Variants in EGFL6 observed in about 807,000 individuals in gnomAD.
The protein encoded by EGFL6 is epidermal growth factor-like protein 6.
A neutral mutation model predicts 43.1 loss-of-function variants in EGFL6; 42 were observed. The ratio of observed to expected loss-of-function variants is 0.98; its 90% CI spans 0.76 to 1.26. EGFL6 has a LOEUF of 1.26. Ranked by LOEUF, EGFL6 falls within the 50% of genes most tolerant of loss-of-function variation. The pLI is 0.00. For synonymous variants in EGFL6, 164 were observed against 163.2 expected, an observed-to-expected ratio of 1.01 and a Z score of -0.04; for missense variants, 429 against 427.8, an observed-to-expected ratio of 1.00 and a Z score of -0.02.
intron 1 of EGFL6, among the ~76,000 whole-genome samples, chrX:13,582,378 A>C (rs2045512045): frequency 9.0e-6 from 1 of 111,374 alleles, no homozygotes; most frequent in African/African-American, 3.3e-5. Context: ...TTCTTAAACA[A>C]TTACTTCCAT....
At position 13,597,364 on chromosome X, in the gene EGFL6, G is replaced by C. The variant is rs192798230; in HGVS notation, c.280+2436G>C. Among the ~76,000 whole-genome samples, 136 of 111,785 alleles carry C rather than the reference G, an allele frequency of 1.2e-3. 2 individuals carry two copies. The highest frequency in any genetic ancestry group is 4.2e-3 in the African/African-American group (128 of 30,795). ...CCATAAACTGAAATAGCCGCTCTTT[G>C]AGCTGCCAGCCCTACAGTCTCGGAG... On this transcript the variant is annotated intron_variant, in intron 3 of 11. Transcript: ENST00000361306.
intron 2 of EGFL6, among the ~76,000 whole-genome samples, chrX:13,591,195 T>C (rs1162634042): frequency 1.8e-5 from 2 of 111,970 alleles, no homozygotes; most frequent in East Asian, 5.6e-4. Flanking sequence ...CTTTATTCTT[T>C]TGCTAGACAC....
intron 5 of EGFL6, among the ~76,000 whole-genome samples, chrX:13,604,009 A>G (rs992186469): frequency 9.0e-6 from 1 of 111,561 alleles, no homozygotes; most frequent in African/African-American, 3.3e-5. Context: ...GGGAACATAA[A>G]AATTATTTGT....
intron 2 of EGFL6, among the ~76,000 whole-genome samples, chrX:13,592,852 T>C (rs1309845564): frequency 2.0e-5 from 1 of 50,144 alleles, no homozygotes; most frequent in Non-Finnish European, 3.5e-5. Context: ...CCCACAGTGT[T>C]GCCTTTGTCG....
At chrX:13,576,576 G>A (rs910799633) in intron 1 of EGFL6, among the ~76,000 whole-genome samples, 3 of 111,701 alleles carry the variant, frequency 2.7e-5, no homozygotes, top group African/African-American at 6.5e-5. Context: ...CCCATTGGCC[G>A]GAACTTAGTT....
chrX:13,571,845 G>A (rs1045736725), intron 1 of EGFL6, among the ~76,000 whole-genome samples: 7 of 111,664 alleles, frequency 6.3e-5, no homozygotes, highest in Admixed American at 9.5e-5. Context: ...TCCACATTAT[G>A]GATAAGACAC....
chrX:13,629,615 T>C (rs1163108811), intron 11 of EGFL6, among the ~76,000 whole-genome samples: 1 of 111,843 alleles, frequency 8.9e-6, no homozygotes, highest in African/African-American at 3.3e-5. Context: ...CTAAAGAATA[T>C]ATTCCAGTTT....
intron 6 of EGFL6, among the ~76,000 whole-genome samples, chrX:13,606,780 ACT>A (rs1036972557): frequency 9.0e-6 from 1 of 111,454 alleles, no homozygotes; most frequent in Non-Finnish European, 1.9e-5. Flanking sequence ...TTCTGGTGGG[ACT>A]CTCTTTAATT....
chrX:13,574,590 T>C (rs181920670), intron 1 of EGFL6, among the ~76,000 whole-genome samples: 34 of 111,366 alleles, frequency 3.1e-4, no homozygotes, highest in African/African-American at 1.1e-3. Flanking sequence ...CAGTTCATTA[T>C]GGTGGGTCCT....
At chrX:13,619,389 C>T in intron 9 of EGFL6, 146 bp downstream of exon 9, 2 of 499,579 alleles carry the variant, frequency 4.0e-6, no homozygotes, top group East Asian at 3.7e-5. Context: ...CACACAGTGC[C>T]AGTATTAAAA....
At chrX:13,573,353 T>G (rs1209333831) in intron 1 of EGFL6, among the ~76,000 whole-genome samples, 1 of 112,207 alleles carries the variant, frequency 8.9e-6, no homozygotes, top group East Asian at 2.8e-4. Context: ...TATTTCTTTA[T>G]TCTTCAAGCT....
intron 7 of EGFL6, among the ~76,000 whole-genome samples, chrX:13,616,394 G>A (rs780454271): frequency 8.1e-5 from 9 of 111,562 alleles, no homozygotes; most frequent in Non-Finnish European, 1.7e-4. Flanking sequence ...TGGATCACCC[G>A]AGGTCAGGGG....
chrX:13,577,298 TTATATATATATATATATATA>T (rs1199851773), intron 1 of EGFL6, among the ~76,000 whole-genome samples: 12 of 24,479 alleles, frequency 4.9e-4, no homozygotes, highest in African/African-American at 1.7e-3. Flanking sequence ...TATATGAATT[TTATATATATATATATATATA>T]TATATATATA....
intron 7 of EGFL6, among the ~76,000 whole-genome samples, chrX:13,616,266 C>G (rs1211997895): frequency 2.7e-5 from 3 of 111,605 alleles, no homozygotes; most frequent in African/African-American, 9.8e-5. Flanking sequence ...GAAAAGTAAC[C>G]TTAATCTTAA....
rs766462659 is a variant in EGFL6 at position 13,589,574 on chromosome X, G to A, written c.93G>A (p.Leu31=). 8.3e-7 allele frequency: 1 copy of A among 1,210,610 alleles called. No homozygotes were observed. Among genetic ancestry groups the A allele is most frequent in the Non-Finnish European group, 1.1e-6 (1 of 894,864 alleles). The change falls in exon 2 of 12, where the codon TTG becomes TTA. Residue 31 remains leucine, a synonymous_variant. Coordinates refer to ENST00000361306, the MANE Select transcript of EGFL6 (RefSeq NM_015507.4). The part of the protein sequence containing the change: ...GNAASARHHG[L]LASARQPGVC... ...TCTGCAGTGCAAGGCATCACGGGTT[G>A]TTAGCATCGGCACGTCAGCCTGGGG...
At chrX:13,605,382 G>C (rs1191980542) in intron 5 of EGFL6, among the ~76,000 whole-genome samples, 9 of 108,545 alleles carry the variant, frequency 8.3e-5, no homozygotes, top group Admixed American at 7.9e-4. Context: ...AGACCAGCCT[G>C]AGCAACATAG....
At chrX:13,610,050 G>A (rs755644136) in intron 7 of EGFL6, among the ~76,000 whole-genome samples, 7 of 111,608 alleles carry the variant, frequency 6.3e-5, no homozygotes, top group East Asian at 2.8e-4. Context: ...GACATTCAGC[G>A]CCACACCCAT....
In EGFL6 at chrX:13,585,347, C is replaced by T. The variant is rs148444459; in HGVS notation, c.75-4209C>T. 9.4e-3 allele frequency among the ~76,000 whole-genome samples: 1,056 copies of T among 112,073 alleles called. 12 individuals are homozygous for T. The highest frequency in any genetic ancestry group is 0.033 in the African/African-American group (1,005 of 30,834). ...TGTCTTAAGTCTAATTTAAAGTTTG[C>T]ACCTTCAAAGGGAACATCTGGGACC... On this transcript the variant is annotated intron_variant, in intron 1 of 11. Transcript: ENST00000361306.
In EGFL6 at chrX:13,625,591, G is replaced by A. The variant is rs779200606; in HGVS notation, c.1286-1420G>A. Among the ~76,000 whole-genome samples the A allele has an allele frequency of 3.6e-5, 4 of 111,054 alleles. No individual in the cohort carries two copies. The East Asian group carries it at 1.1e-3, about 31-fold the overall frequency. On this transcript the variant is annotated intron_variant, in intron 10 of 11. Coordinates refer to ENST00000361306, the MANE Select transcript of EGFL6 (RefSeq NM_015507.4). ...CCCAGCTACTTGGGAGGCTGAGGCA[G>A]GAGAATCGCTTGAACCCGGGAGGCG... is the stretch of plus-strand genomic sequence containing the variant.
Sources: gnomAD v4.1 joint callset for allele counts (sites outside exome capture counted in the v4.1 genomes callset) on GRCh38, gnomAD v4.1.1 for gene constraint, MANE v1.5 for transcripts, NCBI Gene and HGNC (gene_info 2026-07-23, HGNC 2026-07-21) for gene names.